Variants in FARP2 observed in about 807,000 individuals in gnomAD.
FARP2 encodes FERM, ARHGEF and pleckstrin domain-containing protein 2.
In FARP2, 111 loss-of-function variants were observed where a neutral mutation model predicts 130.5. The ratio of observed to expected loss-of-function variants is 0.85; its 90% confidence interval spans 0.73 to 1.00. The LOEUF (loss-of-function observed/expected upper bound fraction) is 1.00, where lower values mean the gene tolerates loss of function less well. Among genes scored for constraint, FARP2 ranks in the 50% least tolerant of loss-of-function variants. FARP2 has a pLI of 0.00. For synonymous variants in FARP2, 504 were observed against 516.9 expected (o/e 0.98, Z 0.34); for missense variants, 1,385 against 1,346.3 (o/e 1.03, Z -0.45).
At chr2:241,366,092 TAAA>T (rs201202290) in intron 1 of FARP2, among the ~76,000 whole-genome samples, 14 of 73,888 alleles carry the variant, frequency 1.9e-4, no homozygotes, top group East Asian at 4.0e-4. Context: ...TCATCACTAC[TAAA>T]AAAAAAAAAA....
intron 13 of FARP2, among the ~76,000 whole-genome samples, chr2:241,450,310 C>T (rs896234189): frequency 3.9e-5 from 6 of 152,010 alleles, no homozygotes; most frequent in Non-Finnish European, 5.9e-5. Flanking sequence ...CTGCAGTGAG[C>T]CATGATTGTG....
intron 14 of FARP2, among the ~76,000 whole-genome samples, chr2:241,461,280 G>C (rs1054256093): frequency 3.3e-5 from 5 of 151,834 alleles, no homozygotes; most frequent in Non-Finnish European, 7.4e-5. Context: ...TCACCCCTCC[G>C]CGCCCCCCAA....
At chr2:241,493,208 GCCA>G in intron 25 of FARP2, 82 bp from the exon 26 acceptor site, 1 of 1,476,662 alleles carries the variant, frequency 6.8e-7, no homozygotes, top group Non-Finnish European at 9.4e-7. Context: ...ATTTGTACGT[GCCA>G]CCGTTGTGCA....
chr2:241,437,670 A>ATTTATTTTTTTTATTT (rs1553723709), intron 12 of FARP2, among the ~76,000 whole-genome samples: 1 of 133,112 alleles, frequency 7.5e-6, no homozygotes, highest in Non-Finnish European at 1.6e-5. Flanking sequence ...TTATTTATTT[A>ATTTATTTTTTTTATTT]TTTTTTTTTT....
At chr2:241,402,688 A>G (rs1027561302) in intron 2 of FARP2, among the ~76,000 whole-genome samples, 4 of 149,984 alleles carry the variant, frequency 2.7e-5, no homozygotes, top group African/African-American at 9.8e-5. Flanking sequence ...GTTTTTTGAA[A>G]CAGGGTCTTA....
At chr2:241,466,243 A>G in intron 17 of FARP2, 2 of 985,408 alleles carry the variant, frequency 2.0e-6, no homozygotes, top group Non-Finnish European at 2.4e-6. Context: ...CCTACAGTGC[A>G]AGTGTGGTCC....
chr2:241,370,470 A>G (rs1376167979), intron 1 of FARP2, among the ~76,000 whole-genome samples: 2 of 152,180 alleles, frequency 1.3e-5, no homozygotes, highest in South Asian at 2.1e-4. Context: ...AATTGCCTCA[A>G]TTTGGCCATC....
At chr2:241,396,163 C>T (rs1575501407) in intron 2 of FARP2, among the ~76,000 whole-genome samples, 1 of 152,038 alleles carries the variant, frequency 6.6e-6, no homozygotes, top group Non-Finnish European at 1.5e-5. Context: ...CCCTTCCTTA[C>T]ACCTTATACA....
At chr2:241,470,387 C>G (rs1053017316) in intron 18 of FARP2, among the ~76,000 whole-genome samples, 1 of 150,206 alleles carries the variant, frequency 6.7e-6, no homozygotes, top group Non-Finnish European at 1.5e-5. Context: ...TACGAGGGGA[C>G]GTGGCTCTCA....
intron 5 of FARP2, among the ~76,000 whole-genome samples, chr2:241,409,233 G>C (rs1475497122): frequency 6.6e-6 from 1 of 152,042 alleles, no homozygotes; most frequent in Non-Finnish European, 1.5e-5. Flanking sequence ...GTACATGTTT[G>C]TGGTAAAAGA....
intron 13 of FARP2, among the ~76,000 whole-genome samples, chr2:241,455,267 T>C (rs955231182): frequency 2.0e-5 from 3 of 152,194 alleles, no homozygotes; most frequent in Admixed American, 2.0e-4. Context: ...GGGGTTCAAA[T>C]TGAGTTACTT....
Position 241,494,145 on chromosome 2 carries a change from T to C in FARP2, c.*20T>C, listed in dbSNP as rs772060933. 1 of 1,396,776 alleles carries C rather than the reference T, an allele frequency of 7.2e-7. No individual in the cohort carries two copies. Among genetic ancestry groups the C allele is most frequent in the South Asian group, 1.6e-5 (1 of 64,240 alleles). The allele number at this position is 1,396,776 out of a possible 1,614,324, so 86.5% of individuals were successfully genotyped here. ...GAATGACGCTCAACCTGCCCAGGTT[T>C]GGACACAACTACAAAGAACAGCAGG... On this transcript the variant is annotated 3_prime_UTR_variant, in exon 27 of 27. Coordinates refer to ENST00000264042, the MANE Select transcript of FARP2 (RefSeq NM_014808.4). The surrounding 1 kb of genome is among the most constrained non-coding windows in gnomAD (Gnocchi z 4.9).
In FARP2 at chr2:241,468,203, C is replaced by A; in HGVS notation, c.1957C>A (p.Arg653Ser). ...AACAGAACTGGAAAAGGCTACCAAA[C>A]GCTGTAAGAAGTTGGAGGCAGTGTA... ...VLTELEKATK[R>S]CKKLEAVYKE... Residue 653 changes from arginine (R) to serine (S), a missense_variant, in exon 18 of 27, where the codon CGC becomes AGC. Transcript: ENST00000264042. 1 of 1,614,148 alleles carries A rather than the reference C, an allele frequency of 6.2e-7. No homozygotes were observed. Among genetic ancestry groups the A allele is most frequent in the Non-Finnish European group, 8.5e-7 (1 of 1,180,010 alleles).
At position 241,456,877 on chromosome 2, in the gene FARP2, T is replaced by C. The variant is rs754644534; in HGVS notation, c.1542T>C (p.Ser514=). ...GSSPLLSPVL[S]DAGGAGMDCE... is the part of the protein sequence containing the mutation. Reference sequence around the variant, plus strand: ...CCCCACTCCTGAGCCCTGTCCTCAGTGATGCTGGCGGAGCCGGGATGGACT... The same window carrying C: ...CCCCACTCCTGAGCCCTGTCCTCAGCGATGCTGGCGGAGCCGGGATGGACT... The change falls in exon 14 of 27, where the codon AGT becomes AGC. Residue 514 remains serine, a synonymous_variant. Coordinates refer to ENST00000264042, the MANE Select transcript of FARP2 (RefSeq NM_014808.4). The C allele has an allele frequency of 1.9e-6, 3 of 1,611,012 alleles. No homozygotes were observed. Among genetic ancestry groups the C allele is most frequent in the Admixed American group, 3.4e-5 (2 of 59,510 alleles).
intron 2 of FARP2, among the ~76,000 whole-genome samples, chr2:241,390,719 AG>A (rs1272459309): frequency 6.6e-6 from 1 of 151,986 alleles, no homozygotes; most frequent in Admixed American, 6.6e-5. Context: ...TTTTATACAA[AG>A]GCAATAGTTG....
chr2:241,427,968 G>T (rs926175494), intron 8 of FARP2, among the ~76,000 whole-genome samples: 2 of 151,924 alleles, frequency 1.3e-5, no homozygotes, highest in Admixed American at 6.6e-5. Context: ...GGGTTTCACT[G>T]TGTTAGCCAG....
intron 21 of FARP2, among the ~76,000 whole-genome samples, chr2:241,487,548 G>C (rs2064780649): frequency 8.6e-6 from 1 of 116,206 alleles, no homozygotes; most frequent in Admixed American, 8.2e-5. Flanking sequence ...GGCACCTGTA[G>C]TCCCAACTAC....
At chr2:241,427,977 A>G (rs900746946) in intron 8 of FARP2, among the ~76,000 whole-genome samples, 4 of 152,028 alleles carry the variant, frequency 2.6e-5, no homozygotes, top group South Asian at 2.1e-4. Context: ...TGTGTTAGCC[A>G]GGATGGTCTC....
chr2:241,364,045 C>T (rs543308587), intron 1 of FARP2, among the ~76,000 whole-genome samples: 8 of 152,274 alleles, frequency 5.3e-5, no homozygotes, highest in African/African-American at 1.9e-4. Flanking sequence ...ACTGATTTGG[C>T]AAAAGCACAT....
Sources: gnomAD v4.1 joint callset for allele counts (sites outside exome capture counted in the v4.1 genomes callset) on GRCh38, gnomAD v4.1.1 for gene constraint, Gnocchi (gnomAD v3.1) non-coding constraint, MANE v1.5 for transcripts, NCBI Gene and HGNC (gene_info 2026-07-23, HGNC 2026-07-21) for gene names.